FBXO4: variants seen among roughly 807,000 people sequenced by gnomAD.
The protein encoded by FBXO4 is F-box protein 4, also known as F-box only protein 4.
FBXO4 carries 36 observed loss-of-function variants against 43.7 expected under a neutral mutation model. The observed-to-expected ratio is 0.82, with a 90% CI of 0.63 to 1.09. The LOEUF is 1.09. Among genes scored for constraint, FBXO4 ranks in the 50% least tolerant of loss-of-function variants. The pLI, the probability that FBXO4 is intolerant of heterozygous loss-of-function variation, is 0.00. For synonymous variants in FBXO4, 180 were observed against 165.6 expected, an observed-to-expected ratio of 1.09 and a Z score of -0.67; for missense variants, 435 against 474.1, an observed-to-expected ratio of 0.92 and a Z score of 0.77.
intron 5 of FBXO4, chr5:41,934,932 A>G: frequency 2.1e-6 from 2 of 961,972 alleles, no homozygotes; most frequent in Non-Finnish European, 2.5e-6. Flanking sequence ...GAATATAAAT[A>G]CATAATATAT....
chr5:42,030,197 C>T, the FBXO4 span, among the ~76,000 whole-genome samples: 2 of 152,134 alleles, frequency 1.3e-5, no homozygotes, highest in African/African-American at 2.4e-5. Context: ...TGCTACCTGA[C>T]TTCAAACTAT....
the FBXO4 span, among the ~76,000 whole-genome samples, chr5:42,001,113 T>A: frequency 6.6e-6 from 1 of 152,242 alleles, no homozygotes; most frequent in African/African-American, 2.4e-5. Context: ...CTGTAAACAA[T>A]GTCATTGGAA....
the FBXO4 span, among the ~76,000 whole-genome samples, chr5:41,973,403 A>C: frequency 6.6e-6 from 1 of 152,220 alleles, no homozygotes; most frequent in African/African-American, 2.4e-5. Flanking sequence ...GCTATTATTA[A>C]AATAGGCTCA....
the FBXO4 span, among the ~76,000 whole-genome samples, chr5:42,036,366 G>C: frequency 1.3e-5 from 2 of 151,992 alleles, no homozygotes; most frequent in Non-Finnish European, 2.9e-5. Flanking sequence ...ATAGGTATCA[G>C]CAAACTAGTA....
At chr5:42,006,977 T>C in the FBXO4 span, among the ~76,000 whole-genome samples, 1 of 144,938 alleles carries the variant, frequency 6.9e-6, no homozygotes, top group African/African-American at 2.6e-5. Context: ...ACATGATATA[T>C]ATCAATATTA....
chr5:42,018,697 G>A, the FBXO4 span, among the ~76,000 whole-genome samples: 4 of 151,950 alleles, frequency 2.6e-5, no homozygotes, highest in African/African-American at 9.7e-5. Context: ...TTTTCTTTTG[G>A]TGATTTACCT....
the FBXO4 span, among the ~76,000 whole-genome samples, chr5:41,976,508 T>TA: frequency 6.6e-6 from 1 of 151,868 alleles, no homozygotes; most frequent in East Asian, 1.9e-4. Context: ...AAGAAAGGGG[T>TA]AATAGGCCCC....
At chr5:42,002,639 T>G in the FBXO4 span, among the ~76,000 whole-genome samples, 1 of 152,282 alleles carries the variant, frequency 6.6e-6, no homozygotes, top group South Asian at 2.1e-4. Flanking sequence ...TTAAATAACG[T>G]TTTTTCCTTT....
the FBXO4 span, among the ~76,000 whole-genome samples, chr5:42,025,190 C>A: frequency 4.0e-5 from 6 of 151,872 alleles, no homozygotes; most frequent in African/African-American, 1.2e-4. Context: ...ATAGGGTTCC[C>A]TTTTCTTCAC....
chr5:42,037,136 T>C, the FBXO4 span, among the ~76,000 whole-genome samples: 3 of 152,102 alleles, frequency 2.0e-5, no homozygotes, highest in Non-Finnish European at 2.9e-5. Flanking sequence ...CTCACTACAG[T>C]TGGAGTTCAC....
chr5:42,009,392 TG>T, the FBXO4 span, among the ~76,000 whole-genome samples: 1 of 150,930 alleles, frequency 6.6e-6, no homozygotes, highest in Non-Finnish European at 1.5e-5. Flanking sequence ...TGTGTGTGTG[TG>T]TGTGTGTGTG....
the FBXO4 span, among the ~76,000 whole-genome samples, chr5:42,005,916 C>T: frequency 6.6e-6 from 1 of 152,076 alleles, no homozygotes; most frequent in South Asian, 2.1e-4. Flanking sequence ...AACTTTTCAA[C>T]CCCTTAGCCT....
At chr5:42,010,523 G>T in the FBXO4 span, among the ~76,000 whole-genome samples, 1 of 149,018 alleles carries the variant, frequency 6.7e-6, no homozygotes, top group Non-Finnish European at 1.5e-5. Context: ...AAAAAAAAAA[G>T]AATTTACTTC....
the FBXO4 span, among the ~76,000 whole-genome samples, chr5:42,033,189 GGGGTGA>G: frequency 2.0e-5 from 3 of 152,104 alleles, no homozygotes; most frequent in Non-Finnish European, 4.4e-5. Context: ...GGTTGGGGGA[GGGGTGA>G]TGTCAGCACT....
At chr5:42,013,444 C>T in the FBXO4 span, among the ~76,000 whole-genome samples, 1 of 152,160 alleles carries the variant, frequency 6.6e-6, no homozygotes, top group South Asian at 2.1e-4. Flanking sequence ...GTCTTATTGG[C>T]TAATATTTTT....
chr5:41,950,448 A>T, the FBXO4 span, among the ~76,000 whole-genome samples: 1 of 152,376 alleles, frequency 6.6e-6, no homozygotes, highest in South Asian at 2.1e-4. Context: ...TATGCAGCCA[A>T]CAAACATGGA....
chr5:42,021,577 T>C, the FBXO4 span, among the ~76,000 whole-genome samples: 1 of 152,168 alleles, frequency 6.6e-6, no homozygotes, highest in Non-Finnish European at 1.5e-5. Flanking sequence ...GAAGTCATGG[T>C]TACAATTAAA....
chr5:41,985,929 A>C, the FBXO4 span, among the ~76,000 whole-genome samples: 1 of 152,172 alleles, frequency 6.6e-6, no homozygotes, highest in Non-Finnish European at 1.5e-5. Context: ...CGAACTGTTA[A>C]AATAAAAATA....
At chr5:41,982,158 A>G in the FBXO4 span, among the ~76,000 whole-genome samples, 1 of 152,152 alleles carries the variant, frequency 6.6e-6, no homozygotes, top group East Asian at 1.9e-4. Context: ...ATTGTTGGAC[A>G]TTTGGGTTGG....
Sources: allele counts gnomAD v4.1 joint callset (sites outside exome capture counted in the v4.1 genomes callset), GRCh38; gene constraint gnomAD v4.1.1; transcripts MANE v1.5; gene names NCBI Gene and HGNC (gene_info 2026-07-23, HGNC 2026-07-21).